CCDC91: variants seen among roughly 807,000 people sequenced by gnomAD.
CCDC91 encodes the protein coiled-coil domain-containing protein 91.
A neutral mutation model predicts 63.2 loss-of-function variants in CCDC91; 48 were observed. That is an observed-to-expected ratio of 0.76 (90% CI 0.60 to 0.97). The LOEUF is 0.97. Ranked by LOEUF, CCDC91 falls within the 50% of genes least tolerant of loss-of-function variation. The pLI is 0.00. For missense variants in CCDC91, 500 were observed against 494.6 expected (o/e 1.01, Z -0.10); for synonymous variants, 167 against 165.8 (o/e 1.01, Z -0.06).
intron 12 of CCDC91, among the ~76,000 whole-genome samples, chr12:28,531,734 T>C (rs933962160): frequency 3.3e-5 from 5 of 152,196 alleles, no homozygotes; most frequent in African/African-American, 1.2e-4. Context: ...ATATTTTTGT[T>C]CTTTATTTAG....
intron 7 of CCDC91, among the ~76,000 whole-genome samples, chr12:28,373,496 T>C (rs1257164174): frequency 6.6e-6 from 1 of 152,212 alleles, no homozygotes; most frequent in Non-Finnish European, 1.5e-5. Flanking sequence ...TGTAGTCATT[T>C]TTGTTTGTTA....
At chr12:28,427,161 T>A (rs1409271355) in intron 8 of CCDC91, among the ~76,000 whole-genome samples, 1 of 152,152 alleles carries the variant, frequency 6.6e-6, no homozygotes, top group East Asian at 1.9e-4. Flanking sequence ...AACATTATGA[T>A]TAAATCTCAA....
chr12:28,426,826 C>T (rs1948343981), intron 8 of CCDC91, among the ~76,000 whole-genome samples: 2 of 152,126 alleles, frequency 1.3e-5, no homozygotes, highest in African/African-American at 4.8e-5. Context: ...TTTCTTTGCT[C>T]CTTCAGACAT....
intron 8 of CCDC91, among the ~76,000 whole-genome samples, chr12:28,433,774 A>C (rs1948753112): frequency 6.6e-6 from 1 of 151,948 alleles, no homozygotes; most frequent in Non-Finnish European, 1.5e-5. Flanking sequence ...AATTTCATTG[A>C]AACTCTAGAC....
chr12:28,300,256 A>C (rs1274881000), intron 3 of CCDC91, among the ~76,000 whole-genome samples: 2 of 151,382 alleles, frequency 1.3e-5, no homozygotes, highest in Non-Finnish European at 3.0e-5. Context: ...GATATGATAT[A>C]AGGGTTTAAT....
intron 3 of CCDC91, among the ~76,000 whole-genome samples, chr12:28,282,965 T>G (rs1439506743): frequency 4.6e-5 from 7 of 152,058 alleles, no homozygotes; most frequent in African/African-American, 1.7e-4. Context: ...AATAGTATGG[T>G]GTCCTTTCCC....
intron 10 of CCDC91, 40 bp downstream of exon 10, chr12:28,450,458 G>A: frequency 2.2e-6 from 3 of 1,384,966 alleles, no homozygotes; most frequent in Non-Finnish European, 3.1e-6. Context: ...GTAAGTAAGT[G>A]GAATTAAAAA....
At chr12:28,255,809 A>G (rs1188728749) in intron 1 of CCDC91, 1 of 152,148 alleles carries the variant, frequency 6.6e-6, no homozygotes, top group Non-Finnish European at 1.5e-5. Context: ...TGTTAAAACA[A>G]TCGTTGAAAT....
intron 7 of CCDC91, among the ~76,000 whole-genome samples, chr12:28,362,722 GTTTGAGAATA>G (rs1943986312): frequency 6.6e-6 from 1 of 152,170 alleles, no homozygotes; most frequent in Non-Finnish European, 1.5e-5. Context: ...ATTTGAGAAA[GTTTGAGAATA>G]TTTGAGAATA....
chr12:28,456,901 G>A (rs934086706), intron 11 of CCDC91, among the ~76,000 whole-genome samples: 1 of 152,048 alleles, frequency 6.6e-6, no homozygotes, highest in African/African-American at 2.4e-5. Flanking sequence ...GTTATTTAAA[G>A]CCAAATAAAT....
chr12:28,230,262 A>G (rs1326968027), intron 1 of CCDC91, among the ~76,000 whole-genome samples: 2 of 152,176 alleles, frequency 1.3e-5, no homozygotes, highest in Non-Finnish European at 2.9e-5. Context: ...TGAAAACTCA[A>G]TCCTCCATAT....
chr12:28,268,415 A>T (rs1474583391), intron 3 of CCDC91, among the ~76,000 whole-genome samples: 1 of 152,168 alleles, frequency 6.6e-6, no homozygotes, highest in Admixed American at 6.6e-5. Flanking sequence ...AACAAACTAT[A>T]GCTACATATT....
At chr12:28,289,602 G>A (rs1159068982) in intron 3 of CCDC91, among the ~76,000 whole-genome samples, 2 of 151,492 alleles carry the variant, frequency 1.3e-5, no homozygotes. Flanking sequence ...GTTTGATTGT[G>A]TGGTCAGTTT....
chr12:28,294,144 T>C (rs142034424), intron 3 of CCDC91, among the ~76,000 whole-genome samples: 4 of 152,320 alleles, frequency 2.6e-5, no homozygotes, highest in African/African-American at 4.8e-5. Flanking sequence ...ATGGTTGTTA[T>C]AGGGAGGACG....
At chr12:28,548,088 A>G (rs887728668) in intron 12 of CCDC91, among the ~76,000 whole-genome samples, 1 of 152,088 alleles carries the variant, frequency 6.6e-6, no homozygotes, top group Non-Finnish European at 1.5e-5. Context: ...CTTATATTCA[A>G]TAATGTTTAC....
In CCDC91 at chr12:28,375,121, C is replaced by A. The variant is rs181526724; in HGVS notation, c.654+12606C>A. ...CTTCTGCTATTTACTAATATTTTGACCTTGGGCAGTTTTTTTTTTTAAACT... is the reference window on the plus strand; with the variant it reads ...CTTCTGCTATTTACTAATATTTTGAACTTGGGCAGTTTTTTTTTTTAAACT... On this transcript the variant is annotated intron_variant, in intron 7 of 12. Coordinates refer to ENST00000536442, the MANE Select transcript of CCDC91 (RefSeq NM_018318.5). Among the ~76,000 whole-genome samples the A allele has an allele frequency of 5.6e-4, 81 of 145,480 alleles. No homozygotes were observed. In the East Asian group the frequency reaches 0.012, roughly 21 times the overall value.
intron 8 of CCDC91, among the ~76,000 whole-genome samples, chr12:28,441,747 C>A (rs1379449961): frequency 6.8e-6 from 1 of 148,042 alleles, no homozygotes; most frequent in South Asian, 2.1e-4. Context: ...ATATATATAT[C>A]TCATATATAT....
At chr12:28,304,133 C>CT (rs1340129061) in intron 3 of CCDC91, among the ~76,000 whole-genome samples, 2 of 151,640 alleles carry the variant, frequency 1.3e-5, no homozygotes, top group African/African-American at 4.8e-5. Flanking sequence ...AATCCTAGCA[C>CT]TTTGGGAGGC....
At chr12:28,301,903 T>C (rs1938119041) in intron 3 of CCDC91, among the ~76,000 whole-genome samples, 1 of 151,768 alleles carries the variant, frequency 6.6e-6, no homozygotes, top group Non-Finnish European at 1.5e-5. Flanking sequence ...CTCCTTGTCA[T>C]TTAATTTTGT....
Sources: gnomAD v4.1 joint callset for allele counts (sites outside exome capture counted in the v4.1 genomes callset) on GRCh38, gnomAD v4.1.1 for gene constraint, MANE v1.5 for transcripts, NCBI Gene and HGNC (gene_info 2026-07-23, HGNC 2026-07-21) for gene names.